Variants in DACH2 observed in about 807,000 individuals in gnomAD.
DACH2 encodes dachshund homolog 2.
In DACH2, 17 loss-of-function variants were observed where a neutral mutation model predicts 35.8. That is an observed-to-expected ratio of 0.48 (90% confidence interval 0.33 to 0.71). The LOEUF (loss-of-function observed/expected upper bound fraction) is 0.71. Among genes scored for constraint, DACH2 ranks in the 30% least tolerant of loss-of-function variants. The probability of loss-of-function intolerance (pLI) is 0.02; values close to 1 mark genes in which losing one functional copy is unlikely to be tolerated. For synonymous variants in DACH2, 195 were observed against 177.3 expected, an observed-to-expected ratio of 1.10 and a Z score of -0.79; for missense variants, 469 against 472.7, an observed-to-expected ratio of 0.99 and a Z score of 0.07.
chrX:86,429,349 T>G (rs2036945356), intron 2 of DACH2, among the ~76,000 whole-genome samples: 1 of 111,177 alleles, frequency 9.0e-6, no homozygotes, highest in Non-Finnish European at 1.9e-5. Flanking sequence ...ATAAATTGTG[T>G]TTATCAAGAT....
chrX:86,259,375 T>C (rs1274649537), intron 1 of DACH2, among the ~76,000 whole-genome samples: 1 of 111,674 alleles, frequency 9.0e-6, no homozygotes, highest in Non-Finnish European at 1.9e-5. Flanking sequence ...ATTTACATAT[T>C]AATTCCATGA....
intron 7 of DACH2, among the ~76,000 whole-genome samples, chrX:86,763,708 T>C (rs2147286448): frequency 9.0e-6 from 1 of 111,553 alleles, no homozygotes; most frequent in Non-Finnish European, 1.9e-5. Context: ...TGCCTCGGCC[T>C]CCCAGAGTGA....
chrX:86,610,747 G>A (rs1230234672), intron 3 of DACH2, among the ~76,000 whole-genome samples: 6 of 110,251 alleles, frequency 5.4e-5, no homozygotes, highest in Non-Finnish European at 1.1e-4. Context: ...ATGCCTAGTC[G>A]CCAAGGGTTC....
chrX:86,460,819 A>G (rs758001962), intron 2 of DACH2, among the ~76,000 whole-genome samples: 1 of 110,567 alleles, frequency 9.0e-6, no homozygotes, highest in Non-Finnish European at 1.9e-5. Flanking sequence ...CAAATTAGTA[A>G]TTTTCAAGAA....
intron 3 of DACH2, among the ~76,000 whole-genome samples, chrX:86,603,035 A>G (rs1033342842): frequency 1.8e-5 from 2 of 111,279 alleles, no homozygotes; most frequent in African/African-American, 6.5e-5. Context: ...ACAGAAATTT[A>G]TTTTCTCACG....
In DACH2 at chrX:86,698,519, G is replaced by GTTTTT. The variant is rs1378300889; in HGVS notation, c.931+3341_931+3342insTTTTT. Among the ~76,000 whole-genome samples the GTTTTT allele has an allele frequency of 4.1e-3, 132 of 32,054 alleles. 3 individuals carry two copies. Among genetic ancestry groups the GTTTTT allele is most frequent in the Admixed American group, 8.1e-3 (20 of 2,464 alleles). 27.8% of individuals were successfully genotyped at this position (32,054 alleles called of 115,157 possible). On this transcript the variant is annotated intron_variant, in intron 5 of 11. Coordinates refer to ENST00000373125, the MANE Select transcript of DACH2 (RefSeq NM_053281.3). ...TTCTTCTTTTTGTTTTGTTAGTTTT[G>GTTTTT]TGTTTTTTTTTTTTTTTTTTTTTTT...
At chrX:86,322,054 C>T (rs1010769994) in intron 1 of DACH2, among the ~76,000 whole-genome samples, 1 of 110,636 alleles carries the variant, frequency 9.0e-6, no homozygotes, top group African/African-American at 3.3e-5. Context: ...TTAGGAGTCA[C>T]CTCCAATGGT....
chrX:86,607,247 T>A (rs1602694414), intron 3 of DACH2, among the ~76,000 whole-genome samples: 1 of 111,807 alleles, frequency 8.9e-6, no homozygotes, highest in Admixed American at 9.5e-5. Context: ...CTGAGCGTTT[T>A]GATGTCTTTT....
At chrX:86,278,512 A>C (rs1336642057) in intron 1 of DACH2, among the ~76,000 whole-genome samples, 1 of 112,277 alleles carries the variant, frequency 8.9e-6, no homozygotes, top group Non-Finnish European at 1.9e-5. Flanking sequence ...CATTGGCAAA[A>C]ATGTGTTGAT....
intron 2 of DACH2, among the ~76,000 whole-genome samples, chrX:86,492,799 G>A (rs2038112381): frequency 9.0e-6 from 1 of 111,541 alleles, no homozygotes; most frequent in East Asian, 2.8e-4. Context: ...CTTTTTTATG[G>A]CTGCATAGTA....
chrX:86,701,974 T>G (rs1246072636), intron 5 of DACH2, among the ~76,000 whole-genome samples: 6 of 110,965 alleles, frequency 5.4e-5, no homozygotes, highest in Non-Finnish European at 1.1e-4. Flanking sequence ...TGACACACAG[T>G]TTACCTATAT....
chrX:86,560,681 A>G (rs1198881820), intron 3 of DACH2, among the ~76,000 whole-genome samples: 1 of 82,827 alleles, frequency 1.2e-5, no homozygotes, highest in Non-Finnish European at 2.3e-5. Context: ...GGTGCTGGGA[A>G]AACTGGCTAG....
chrX:86,272,635 C>T (rs1460132404), intron 1 of DACH2, among the ~76,000 whole-genome samples: 1 of 111,559 alleles, frequency 9.0e-6, no homozygotes, highest in East Asian at 2.8e-4. Context: ...AAACTAGTAA[C>T]ATTGAGGAGG....
intron 5 of DACH2, among the ~76,000 whole-genome samples, chrX:86,705,065 A>ATCTCACATATATATATATATC (rs1438275974): frequency 1.9e-5 from 2 of 107,943 alleles, no homozygotes; most frequent in Middle Eastern, 4.7e-3. Flanking sequence ...ATATATATAT[A>ATCTCACATATATATATATATC]TCTCACATAT....
At chrX:86,647,801 GTTCATGCAGTATATA>G (rs1166016042) in intron 3 of DACH2, among the ~76,000 whole-genome samples, 4 of 110,755 alleles carry the variant, frequency 3.6e-5, no homozygotes, top group Non-Finnish European at 7.6e-5. Context: ...AACTCATCAA[GTTCATGCAGTATATA>G]TTTACAGCTT....
At chrX:86,310,028 A>G (rs771893713) in intron 1 of DACH2, among the ~76,000 whole-genome samples, 1 of 112,351 alleles carries the variant, frequency 8.9e-6, no homozygotes, top group East Asian at 2.8e-4. Context: ...CCCATAGGGG[A>G]ATCACAGCAA....
chrX:86,423,011 T>C (rs2036830473), intron 2 of DACH2, among the ~76,000 whole-genome samples: 1 of 111,807 alleles, frequency 8.9e-6, no homozygotes, highest in Non-Finnish European at 1.9e-5. Flanking sequence ...TCATTCTTTT[T>C]ATGGCTGAAA....
At chrX:86,421,748 A>G (rs867153532) in intron 2 of DACH2, among the ~76,000 whole-genome samples, 17 of 111,547 alleles carry the variant, frequency 1.5e-4, no homozygotes, top group African/African-American at 5.5e-4. Flanking sequence ...TATTATAAAA[A>G]TGATTATATT....
intron 5 of DACH2, among the ~76,000 whole-genome samples, chrX:86,700,462 A>T (rs765786589): frequency 9.0e-6 from 1 of 110,877 alleles, no homozygotes; most frequent in South Asian, 3.9e-4. Context: ...ATATTTATTT[A>T]GGATAGTTAG....
Sources: gnomAD v4.1 joint callset for allele counts (sites outside exome capture counted in the v4.1 genomes callset) on GRCh38, gnomAD v4.1.1 for gene constraint, MANE v1.5 for transcripts, NCBI Gene and HGNC (gene_info 2026-07-23, HGNC 2026-07-21) for gene names.